PAQR5: variants seen among roughly 807,000 people sequenced by gnomAD.
PAQR5 encodes membrane progestin receptor gamma.
In PAQR5, 20 loss-of-function variants were observed where a neutral mutation model predicts 34.5. The observed-to-expected ratio is 0.58, with a 90% CI of 0.41 to 0.84. PAQR5 has a LOEUF of 0.84. Ranked by LOEUF, PAQR5 falls within the 40% of genes least tolerant of loss-of-function variation. The pLI, the probability that PAQR5 is intolerant of heterozygous loss-of-function variation, is 0.00. For missense variants in PAQR5, 378 were observed against 412.7 expected, an observed-to-expected ratio of 0.92 and a Z score of 0.73; for synonymous variants, 131 against 155.6, an observed-to-expected ratio of 0.84 and a Z score of 1.18.
At chr15:69,324,827 T>A (rs1056495054) in intron 1 of PAQR5, among the ~76,000 whole-genome samples, 2 of 152,062 alleles carry the variant, frequency 1.3e-5, no homozygotes, top group African/African-American at 4.8e-5. Context: ...CCTGTCCTGC[T>A]ATACCCTCAG....
chr15:69,384,800 G>T lies in PAQR5; in HGVS notation c.303G>T (p.Ala101=). The T allele has an allele frequency of 6.2e-7, 1 of 1,614,044 alleles. No homozygotes were observed. The highest frequency in any genetic ancestry group is 1.1e-5 in the South Asian group (1 of 91,082). ...TGTACCCACTTGTGTCCAGCTGTGC[G>T]CACACCTTCAGCTCTATGTCCAAGA... is the stretch of plus-strand genomic sequence containing the variant. The part of the protein sequence containing the change: ...SCVYPLVSSC[A]HTFSSMSKNA... Residue 101 remains alanine, a synonymous_variant, in exon 5 of 9, where the codon GCG becomes GCT. Coordinates refer to ENST00000395407, the MANE Select transcript of PAQR5 (RefSeq NM_017705.4).
chr15:69,361,263 T>C (rs1358939016), intron 3 of PAQR5, among the ~76,000 whole-genome samples: 1 of 152,214 alleles, frequency 6.6e-6, no homozygotes, highest in Non-Finnish European at 1.5e-5. Context: ...ACTCATGAAA[T>C]TTGTATTGAC....
At chr15:69,380,619 C>T (rs879791889) in intron 4 of PAQR5, among the ~76,000 whole-genome samples, 47 of 152,254 alleles carry the variant, frequency 3.1e-4, no homozygotes, top group Admixed American at 2.6e-3. Context: ...GCCAGGGAAG[C>T]GAAGAGGGGC....
At chr15:69,388,989 CA>C (rs1163969957) in intron 5 of PAQR5, among the ~76,000 whole-genome samples, 1 of 152,234 alleles carries the variant, frequency 6.6e-6, no homozygotes, top group Non-Finnish European at 1.5e-5. Context: ...ATAAATGCTT[CA>C]GCAAAAAGGT....
In PAQR5 at chr15:69,322,805, G is replaced by GAAGAAGAAGAA. The variant is rs1566998148; in HGVS notation, c.-276-14536_-276-14535insAAGAAGAAGAA. Among the ~76,000 whole-genome samples, 25 of 21,008 alleles carry GAAGAAGAAGAA rather than the reference G, an allele frequency of 1.2e-3. 5 individuals carry two copies. Among genetic ancestry groups the GAAGAAGAAGAA allele is most frequent in the East Asian group, 9.8e-3 (6 of 610 alleles). 13.8% of individuals were successfully genotyped at this position (21,008 alleles called of 152,430 possible). A position where few individuals can be genotyped will look rare whatever the true frequency, so the allele number is the denominator to read the frequency against. ...AAGAAGACGAGGAAGAAGAAGAAGA[G>GAAGAAGAAGAA]GAAGAGGAAGAAGAAGAAGAAGAAG... On this transcript the variant is annotated intron_variant, in intron 1 of 8. Coordinates refer to ENST00000395407, the MANE Select transcript of PAQR5 (RefSeq NM_017705.4).
At chr15:69,391,534 C>T (rs1392359964) in intron 6 of PAQR5, 2 of 393,976 alleles carry the variant, frequency 5.1e-6, no homozygotes, top group Admixed American at 3.1e-5. Flanking sequence ...ACAAGTCCAG[C>T]AGAGATGAAG....
chr15:69,397,470 T>G lies in PAQR5; in HGVS notation c.515T>G (p.Phe172Cys). The G allele has an allele frequency of 6.2e-7, 1 of 1,610,900 alleles. No homozygotes were observed. Among genetic ancestry groups the G allele is most frequent in the East Asian group, 2.2e-5 (1 of 44,862 alleles). The change falls in exon 7 of 9, where the codon TTT (phenylalanine) becomes TGT (cysteine). Residue 172 changes from phenylalanine (F) to cysteine (C), a missense_variant and splice_region_variant. Coordinates refer to ENST00000395407, the MANE Select transcript of PAQR5 (RefSeq NM_017705.4). The stretch of plus-strand genomic sequence containing the variant: ...CCCACTTTCCTTCCCTGATTTAGGT[T>G]TCTTGAAATCCAGAAGCCCAGACTC... ...LSTGLSCYSRFLEIQKPRLCK... is the reference protein window; with the variant it reads ...LSTGLSCYSRCLEIQKPRLCK...
chr15:69,321,578 C>A (rs2054097419), intron 1 of PAQR5, among the ~76,000 whole-genome samples: 1 of 152,196 alleles, frequency 6.6e-6, no homozygotes, highest in African/African-American at 2.4e-5. Context: ...TCCCAGTTGT[C>A]TCCTACATTT....
At chr15:69,362,254 C>T (rs1181828613) in intron 3 of PAQR5, among the ~76,000 whole-genome samples, 1 of 152,124 alleles carries the variant, frequency 6.6e-6, no homozygotes, top group African/African-American at 2.4e-5. Context: ...ATGGCACTAG[C>T]TAGAGGCAGA....
intron 5 of PAQR5, among the ~76,000 whole-genome samples, chr15:69,386,277 T>C (rs1249947472): frequency 2.7e-5 from 4 of 149,018 alleles, no homozygotes; most frequent in African/African-American, 7.4e-5. Context: ...ACCACATACA[T>C]ACACACACAC....
At chr15:69,390,830 T>G (rs1595933344) in intron 6 of PAQR5, among the ~76,000 whole-genome samples, 1 of 120,908 alleles carries the variant, frequency 8.3e-6, no homozygotes, top group Non-Finnish European at 1.6e-5. Flanking sequence ...ATTCCCACTG[T>G]TTTTTTTTTT....
intron 3 of PAQR5, among the ~76,000 whole-genome samples, chr15:69,377,374 G>A (rs1237533819): frequency 6.6e-6 from 1 of 152,200 alleles, no homozygotes; most frequent in Admixed American, 6.5e-5. Flanking sequence ...AGCCTTAGTG[G>A]GGTGGAAATC....
In PAQR5 at chr15:69,404,808, C is replaced by T. The variant is rs2056731260; in HGVS notation, c.*986C>T. The T allele has an allele frequency of 2.5e-6, 1 of 396,920 alleles. No homozygotes were observed. The highest frequency in any genetic ancestry group is 4.4e-6 in the Non-Finnish European group (1 of 225,510). 24.6% of individuals were successfully genotyped at this position (396,920 alleles called of 1,614,324 possible). On this transcript the variant is annotated 3_prime_UTR_variant, in exon 9 of 9. Coordinates refer to ENST00000395407, the MANE Select transcript of PAQR5 (RefSeq NM_017705.4). The stretch of plus-strand genomic sequence containing the variant: ...AGCTTTACTGTGAATCAGAAACATC[C>T]AGTAAGCTTGTGACAAATGCAGACT...
At chr15:69,348,271 TG>T (rs1409815061) in intron 2 of PAQR5, among the ~76,000 whole-genome samples, 11 of 152,254 alleles carry the variant, frequency 7.2e-5, no homozygotes, top group African/African-American at 1.2e-4. Context: ...GCCATTTACA[TG>T]GGTTATGTCT....
At chr15:69,359,844 A>C in intron 2 of PAQR5, 122 bp from the exon 3 acceptor site, 1 of 482,030 alleles carries the variant, frequency 2.1e-6, no homozygotes, top group Non-Finnish European at 3.7e-6. Flanking sequence ...TTTTTAAGGA[A>C]GCTTGATCTT....
chr15:69,378,638 T>C (rs2055790958), intron 3 of PAQR5, among the ~76,000 whole-genome samples: 1 of 152,138 alleles, frequency 6.6e-6, no homozygotes, highest in African/African-American at 2.4e-5. Flanking sequence ...TATTGTGACC[T>C]GATTTAGATT....
rs2053582128 is a variant in PAQR5 at position 69,300,943 on chromosome 15, CTTTCCTTCTTTCTT to C, written c.-277+1889_-277+1902del. Among the ~76,000 whole-genome samples, 7 of 44,624 alleles carry C rather than the reference CTTTCCTTCTTTCTT, an allele frequency of 1.6e-4. 2 individuals are homozygous for C. The highest frequency in any genetic ancestry group is 3.5e-4 in the African/African-American group (5 of 14,338). 29.3% of individuals were successfully genotyped at this position (44,624 alleles called of 152,430 possible). Reference sequence around the variant, plus strand: ...TCTCTCTCTCTCTCTCTCTCTCTTTCTTTCCTTCTTTCTTTCTTTCTTTCTTTCTTTCTTTCTTT... The same window carrying C: ...TCTCTCTCTCTCTCTCTCTCTCTTTCTCTTTCTTTCTTTCTTTCTTTCTTT... On this transcript the variant is annotated intron_variant, in intron 1 of 8. Transcript: ENST00000395407.
intron 2 of PAQR5, among the ~76,000 whole-genome samples, chr15:69,350,468 C>T (rs193260568): frequency 2.4e-4 from 36 of 152,100 alleles, no homozygotes; most frequent in African/African-American, 7.7e-4. Flanking sequence ...CATGGTGAAA[C>T]GCTGTCTCTG....
At position 69,394,710 on chromosome 15, in the gene PAQR5, C is replaced by T. The variant is rs575415220; in HGVS notation, c.513-2758C>T. 4.6e-5 allele frequency among the ~76,000 whole-genome samples: 7 copies of T among 152,334 alleles called. No individual in the cohort carries two copies. In the South Asian group the frequency reaches 1.2e-3, roughly 27 times the overall value. On this transcript the variant is annotated intron_variant, in intron 6 of 8. Coordinates refer to ENST00000395407, the MANE Select transcript of PAQR5 (RefSeq NM_017705.4). The stretch of plus-strand genomic sequence containing the variant: ...GGTGCGGGACTGCCCTAAGCCCGAG[C>T]AGGCTGGGCTGTGGGGCCGCACGTG...
Sources: gnomAD v4.1 joint callset for allele counts (sites outside exome capture counted in the v4.1 genomes callset) on GRCh38, gnomAD v4.1.1 for gene constraint, MANE v1.5 for transcripts, NCBI Gene and HGNC (gene_info 2026-07-23, HGNC 2026-07-21) for gene names.